The following BAD variants were observed in gnomAD, a reference collection of about 807,000 sequenced individuals.
The protein encoded by BAD is BCL2 associated agonist of cell death.
In BAD, 18 loss-of-function variants were observed where a neutral mutation model predicts 17.8. The ratio of observed to expected loss-of-function variants is 1.01; its 90% CI spans 0.70 to 1.50. The LOEUF (loss-of-function observed/expected upper bound fraction) is 1.50, where lower values mean the gene tolerates loss of function less well. Among genes scored for constraint, BAD ranks in the 40% most tolerant of loss-of-function variants. The pLI, the probability that BAD is intolerant of heterozygous loss-of-function variation, is 0.00. For synonymous variants in BAD, 112 were observed against 91.5 expected, an observed-to-expected ratio of 1.22 and a Z score of -1.28; for missense variants, 294 against 239.3, an observed-to-expected ratio of 1.23 and a Z score of -1.51.
At chr11:64,273,484 G>C (rs745544500) in intron 2 of BAD, among the ~76,000 whole-genome samples, 5 of 152,168 alleles carry the variant, frequency 3.3e-5, no homozygotes, top group Non-Finnish European at 5.9e-5. Flanking sequence ...ACTGTGCTCT[G>C]TGCCATCTCC....
intron 2 of BAD, chr11:64,276,242 TTA>T (rs528019407): frequency 1.3e-4 from 20 of 152,016 alleles, no homozygotes; most frequent in African/African-American, 4.8e-4. Flanking sequence ...GTAAATTGAA[TTA>T]TATATATGTA....
intron 2 of BAD, among the ~76,000 whole-genome samples, chr11:64,272,185 G>A (rs2032682322): frequency 6.6e-6 from 1 of 152,130 alleles, no homozygotes; most frequent in African/African-American, 2.4e-5. Flanking sequence ...TGGGCATAGT[G>A]GCACGTGCCT....
chr11:64,271,302 A>T (rs1405943576), intron 3 of BAD, among the ~76,000 whole-genome samples: 2 of 24,684 alleles, frequency 8.1e-5, no homozygotes, highest in Non-Finnish European at 8.9e-5. Flanking sequence ...ACTCTCACAC[A>T]CACACACACA....
chr11:64,279,831 C>A (rs1269047821), intron 2 of BAD, among the ~76,000 whole-genome samples: 1 of 151,824 alleles, frequency 6.6e-6, no homozygotes, highest in East Asian at 1.9e-4. Flanking sequence ...TCCTCCCTCA[C>A]CCTTCAGTGT....
intron 2 of BAD, chr11:64,276,672 TG>T: frequency 5.7e-6 from 3 of 524,964 alleles, no homozygotes; most frequent in Non-Finnish European, 1.0e-5. Context: ...GGAAAAACCC[TG>T]GGGGAGTGTC....
At position 64,284,364 on chromosome 11, in the gene BAD, A is replaced by G. The variant is rs1357182211; in HGVS notation, c.5T>C (p.Phe2Ser). The change falls in exon 2 of 4, where the codon TTC becomes TCC. Residue 2 changes from phenylalanine (F) to serine (S), a missense_variant. Transcript: ENST00000309032. M[F>S]QIPEFEPSEQ... ...ACTCGGCTCAAACTCTGGGATCTGG[A>G]ACATGCTCTGGGCTGTGAGGACAAG... is the stretch of plus-strand genomic sequence containing the variant. 1 of 1,612,924 alleles carries G rather than the reference A, an allele frequency of 6.2e-7. No individual in the cohort carries two copies. The highest frequency in any genetic ancestry group is 1.7e-5 in the Admixed American group (1 of 60,026).
In BAD at chr11:64,271,800, G is replaced by C. The variant is rs1189380457; in HGVS notation, c.191C>G (p.Ala64Gly). ...GCGACTCCGGATCTCCACAGCCCCA[G>C]CGCCTGCAGAGGGTCAGTGGGTAGG... ...QPTSSSHHGG[A>G]GAVEIRSRHS... Residue 64 changes from alanine (A) to glycine (G), a missense_variant, in exon 3 of 4, where the codon GCT becomes GGT. By Grantham distance (60) the Ala-to-Gly change is moderately conservative. Coordinates refer to ENST00000309032, the MANE Select transcript of BAD (RefSeq NM_032989.3). The C allele has an allele frequency of 2.1e-6, 3 of 1,402,632 alleles. No individual in the cohort carries two copies. The East Asian group carries it at 8.3e-5, about 39-fold the overall frequency. 86.9% of individuals were successfully genotyped at this position (1,402,632 alleles called of 1,614,324 possible).
chr11:64,279,804 C>CT (rs1406143757), intron 2 of BAD, among the ~76,000 whole-genome samples: 1 of 150,732 alleles, frequency 6.6e-6, no homozygotes, highest in Non-Finnish European at 1.5e-5. Flanking sequence ...ATCCCACCCT[C>CT]TAGGGTAGCC....
chr11:64,273,035 A>T (rs2032756439), intron 2 of BAD, among the ~76,000 whole-genome samples: 1 of 151,888 alleles, frequency 6.6e-6, no homozygotes, highest in African/African-American at 2.4e-5. Flanking sequence ...AGACCAGCCT[A>T]GGCAACATTG....
intron 2 of BAD, among the ~76,000 whole-genome samples, chr11:64,274,366 G>A (rs2032886068): frequency 6.8e-6 from 1 of 147,854 alleles, no homozygotes; most frequent in Non-Finnish European, 1.5e-5. Flanking sequence ...CAGCCTGGGT[G>A]ACAGAGTGAA....
chr11:64,277,109 C>G, intron 2 of BAD: 1 of 657,556 alleles, frequency 1.5e-6, no homozygotes, highest in Non-Finnish European at 2.8e-6. Context: ...GAATTGCACA[C>G]TTAATTAAAA....
At chr11:64,276,802 C>A in intron 2 of BAD, 1 of 655,720 alleles carries the variant, frequency 1.5e-6, no homozygotes. Flanking sequence ...GGTGCCCAGG[C>A]CTGCCCACTC....
chr11:64,271,794 G>A lies in BAD; in HGVS notation c.197C>T (p.Ala66Val), dbSNP rs756609479. 47 of 1,403,998 alleles carry A rather than the reference G, an allele frequency of 3.3e-5. No homozygotes were observed. Among genetic ancestry groups the A allele is most frequent in the Non-Finnish European group, 4.3e-5 (46 of 1,077,282 alleles). The allele number at this position is 1,403,998 out of a possible 1,614,324, so 87.0% of individuals were successfully genotyped here. Reference sequence around the variant, plus strand: ...GCTGTGGCGACTCCGGATCTCCACAGCCCCAGCGCCTGCAGAGGGTCAGTG... The same window carrying A: ...GCTGTGGCGACTCCGGATCTCCACAACCCCAGCGCCTGCAGAGGGTCAGTG... ...TSSSHHGGAG[A>V]VEIRSRHSSY... Residue 66 changes from alanine to valine, a missense_variant, in exon 3 of 4, where the codon GCT (alanine) becomes GTT (valine). Transcript: ENST00000309032.
chr11:64,280,813 G>A (rs573705641), intron 2 of BAD, among the ~76,000 whole-genome samples: 9 of 150,896 alleles, frequency 6.0e-5, no homozygotes, highest in Admixed American at 2.0e-4. Flanking sequence ...GATTACAGGC[G>A]CCCACCACCA....
At chr11:64,284,438 C>G (rs2033712155) in intron 1 of BAD, 62 bp from the exon 2 acceptor site, 1 of 1,604,894 alleles carries the variant, frequency 6.2e-7, no homozygotes, top group South Asian at 1.1e-5. Context: ...CCCTGGAAGG[C>G]AGAGGCAGGT....
intron 1 of BAD, 76 bp from the exon 2 acceptor site, chr11:64,284,452 C>A (rs1189438399): frequency 1.2e-6 from 2 of 1,600,468 alleles, no homozygotes; most frequent in South Asian, 2.2e-5. Flanking sequence ...GGCAGGTACC[C>A]CTGGCTTCCT....
At chr11:64,277,813 G>A (rs1279836404) in intron 2 of BAD, among the ~76,000 whole-genome samples, 2 of 152,144 alleles carry the variant, frequency 1.3e-5, no homozygotes, top group African/African-American at 2.4e-5. Context: ...AGTGGGCCAC[G>A]TGGTCTCTGT....
chr11:64,278,494 T>C (rs1267592245), intron 2 of BAD, among the ~76,000 whole-genome samples: 1 of 151,956 alleles, frequency 6.6e-6, no homozygotes, highest in Non-Finnish European at 1.5e-5. Flanking sequence ...TCCAAGCACT[T>C]TTCCTATATT....
intron 2 of BAD, chr11:64,276,549 A>G (rs1445069935): frequency 7.5e-5 from 13 of 173,556 alleles, no homozygotes; most frequent in Non-Finnish European, 1.6e-4. Flanking sequence ...CTGGTCTTTA[A>G]CTCCTGACCT....
Sources: gnomAD v4.1 joint callset for allele counts (sites outside exome capture counted in the v4.1 genomes callset) on GRCh38, gnomAD v4.1.1 for gene constraint, MANE v1.5 for transcripts, NCBI Gene and HGNC (gene_info 2026-07-23, HGNC 2026-07-21) for gene names.